TPP2: variants seen among roughly 807,000 people sequenced by gnomAD.
TPP2 encodes the protein tripeptidyl peptidase 2.
A neutral mutation model predicts 155.9 loss-of-function variants in TPP2; 34 were observed. The ratio of observed to expected loss-of-function variants is 0.22; its 90% CI spans 0.17 to 0.29. TPP2 has a LOEUF of 0.29. Among genes scored for constraint, TPP2 ranks in the 10% least tolerant of loss-of-function variants. TPP2 has a pLI of 1.00. For synonymous variants in TPP2, 510 were observed against 529.4 expected (o/e 0.96, Z 0.50); for missense variants, 1,028 against 1,522.3 (o/e 0.68, Z 5.40).
intron 21 of TPP2, among the ~76,000 whole-genome samples, chr13:102,648,168 A>G (rs193215535): frequency 1.3e-5 from 2 of 152,046 alleles, no homozygotes; most frequent in Non-Finnish European, 2.9e-5. Context: ...CTTGATCTCT[A>G]TTGGTTTCCT....
chr13:102,665,390 G>A (rs1379648304), intron 27 of TPP2, among the ~76,000 whole-genome samples: 1 of 152,118 alleles, frequency 6.6e-6, no homozygotes, highest in South Asian at 2.1e-4. Flanking sequence ...AAAACTATCT[G>A]GCAACTTTTA....
In TPP2 at chr13:102,649,506, A is replaced by G; in HGVS notation, c.2952+20A>G. 6.3e-7 allele frequency: 1 copy of G among 1,586,646 alleles called. No individual in the cohort carries two copies. The highest frequency in any genetic ancestry group is 8.6e-7 in the Non-Finnish European group (1 of 1,164,580). On this transcript the variant is annotated intron_variant, in intron 23 of 29. Coordinates refer to ENST00000376052, the MANE Select transcript of TPP2 (RefSeq NM_001330588.2). ...AAAGCTGTAAGTATTAGTTTTTTAA[A>G]CACTGAAATTACCTATTAAAAAATT...
intron 21 of TPP2, 85 bp downstream of exon 21, chr13:102,647,429 C>A: frequency 6.7e-7 from 1 of 1,486,406 alleles, no homozygotes; most frequent in South Asian, 1.4e-5. Context: ...TGGTAATGTT[C>A]ATACTTTAAA....
intron 27 of TPP2, 82 bp from the exon 28 acceptor site, chr13:102,674,201 T>A: frequency 7.1e-7 from 1 of 1,401,636 alleles, no homozygotes; most frequent in Non-Finnish European, 9.7e-7. Context: ...GGCAAAAGAA[T>A]ACATGAATTT....
At chr13:102,614,332 A>C in intron 3 of TPP2, 136 bp downstream of exon 3, 1 of 648,532 alleles carries the variant, frequency 1.5e-6, no homozygotes, top group Non-Finnish European at 2.6e-6. Context: ...GTGGCTTTCA[A>C]ACAATGACTG....
intron 3 of TPP2, 148 bp downstream of exon 3, chr13:102,614,344 T>C (rs1880555362): frequency 3.3e-6 from 2 of 613,950 alleles, no homozygotes; most frequent in Non-Finnish European, 2.8e-6. Context: ...CAATGACTGC[T>C]TAAAGATTCT....
chr13:102,600,302 A>C (rs190425989), intron 1 of TPP2, among the ~76,000 whole-genome samples: 1 of 152,120 alleles, frequency 6.6e-6, no homozygotes, highest in African/African-American at 2.4e-5. Flanking sequence ...ACCATCCGTC[A>C]TCTGTAAACT....
At chr13:102,603,251 T>G (rs1879567131) in intron 1 of TPP2, among the ~76,000 whole-genome samples, 1 of 152,222 alleles carries the variant, frequency 6.6e-6, no homozygotes, top group African/African-American at 2.4e-5. Flanking sequence ...ATATGTATGT[T>G]CGTGAATAAA....
At position 102,597,456 on chromosome 13, in the gene TPP2, C is replaced by T. The variant is rs1051375300; in HGVS notation, c.165+253C>T. 5.3e-5 allele frequency among the ~76,000 whole-genome samples: 8 copies of T among 152,268 alleles called. No homozygotes were observed. The South Asian group carries it at 1.7e-3, about 32-fold the overall frequency. On this transcript the variant is annotated intron_variant, in intron 1 of 29. Transcript: ENST00000376052. The stretch of plus-strand genomic sequence containing the variant: ...CCGGACCCCAGGTTGGGCCGTGGTC[C>T]CCCCAGCTCAACAAAAGCAGCGTGC...
At chr13:102,648,097 T>G (rs1440630234) in intron 21 of TPP2, among the ~76,000 whole-genome samples, 1 of 152,234 alleles carries the variant, frequency 6.6e-6, no homozygotes, top group African/African-American at 2.4e-5. Flanking sequence ...AAAAAGTGGC[T>G]GACACAGGAT....
intron 3 of TPP2, among the ~76,000 whole-genome samples, chr13:102,615,315 A>G (rs936003190): frequency 2.4e-4 from 37 of 151,910 alleles, no homozygotes; most frequent in Non-Finnish European, 7.4e-5. Flanking sequence ...ACACCCATCT[A>G]ATTTTTGTAT....
At chr13:102,669,274 T>C (rs182420539) in intron 27 of TPP2, among the ~76,000 whole-genome samples, 34 of 152,222 alleles carry the variant, frequency 2.2e-4, no homozygotes, top group Non-Finnish European at 3.5e-4. Flanking sequence ...TGAGCATATT[T>C]TTAAGGGTGG....
intron 28 of TPP2, 42 bp downstream of exon 28, chr13:102,674,532 A>T (rs1885180667): frequency 1.3e-6 from 2 of 1,591,018 alleles, no homozygotes; most frequent in Non-Finnish European, 1.7e-6. Flanking sequence ...TCTTGGGGTT[A>T]CCTCACAGAC....
intron 6 of TPP2, among the ~76,000 whole-genome samples, 195 bp downstream of exon 6, chr13:102,623,235 G>A (rs1240404192): frequency 1.3e-5 from 2 of 152,180 alleles, no homozygotes; most frequent in Non-Finnish European, 2.9e-5. Flanking sequence ...GTGGGATCCA[G>A]TCCAAGAATA....
intron 15 of TPP2, 116 bp from the exon 16 acceptor site, chr13:102,640,153 TC>T: frequency 1.2e-6 from 1 of 801,050 alleles, no homozygotes; most frequent in Non-Finnish European, 1.9e-6. Context: ...GTAACCAGCT[TC>T]TAAGTCCCTG....
chr13:102,666,130 G>T (rs1338883050), intron 27 of TPP2, among the ~76,000 whole-genome samples: 1 of 152,140 alleles, frequency 6.6e-6, no homozygotes, highest in East Asian at 1.9e-4. Flanking sequence ...TTTAAATTTA[G>T]TCTTCCAAAC....
intron 24 of TPP2, among the ~76,000 whole-genome samples, chr13:102,652,397 C>CATATATATATATATATATAT (rs10530428): frequency 2.4e-5 from 3 of 125,490 alleles, no homozygotes; most frequent in Non-Finnish European, 3.5e-5. Flanking sequence ...AACATACATA[C>CATATATATATATATATATAT]ATATATATAT....
At position 102,636,386 on chromosome 13, in the gene TPP2, A is replaced by G. The variant is rs746356668; in HGVS notation, c.1672A>G (p.Asn558Asp). 3.1e-6 allele frequency: 5 copies of G among 1,612,060 alleles called. No homozygotes were observed. Among genetic ancestry groups the G allele is most frequent in the Non-Finnish European group, 4.2e-6 (5 of 1,179,290 alleles). Residue 558 changes from asparagine (N) to aspartate (D), a missense_variant, in exon 13 of 30, where the codon AAC becomes GAC. Coordinates refer to ENST00000376052, the MANE Select transcript of TPP2 (RefSeq NM_001330588.2). ...GVGIEPVFPE[N>D]TENSEKISLQ... ...TGGCATTGAACCTGTATTTCCGGAG[A>G]ACACAGGTCAGTAATAGGCTGGCAG... is the stretch of plus-strand genomic sequence containing the variant.
intron 25 of TPP2, among the ~76,000 whole-genome samples, chr13:102,660,966 C>T (rs945542298): frequency 3.9e-5 from 6 of 152,144 alleles, no homozygotes; most frequent in Admixed American, 2.6e-4. Flanking sequence ...GGACCCTTGC[C>T]TCACATCATA....
Sources: allele counts gnomAD v4.1 joint callset (sites outside exome capture counted in the v4.1 genomes callset), GRCh38; gene constraint gnomAD v4.1.1; transcripts MANE v1.5; gene names NCBI Gene and HGNC (gene_info 2026-07-23, HGNC 2026-07-21).